Variants in FNIP2 observed in about 807,000 individuals in gnomAD.
FNIP2 encodes the protein folliculin-interacting protein 2.
FNIP2 carries 32 observed loss-of-function variants against 108.7 expected under a neutral mutation model. The observed-to-expected ratio is 0.29, with a 90% CI of 0.22 to 0.40. The LOEUF (loss-of-function observed/expected upper bound fraction) is 0.40, where lower values mean the gene tolerates loss of function less well. FNIP2 is among the 10% of genes least tolerant of loss of function. The pLI is 1.00. For synonymous variants in FNIP2, 480 were observed against 496.7 expected (o/e 0.97, Z 0.45); for missense variants, 1,202 against 1,381.6 (o/e 0.87, Z 2.06).
intron 14 of FNIP2, among the ~76,000 whole-genome samples, chr4:158,880,978 T>C (rs1454175704): frequency 6.6e-6 from 1 of 152,208 alleles, no homozygotes; most frequent in Admixed American, 6.5e-5. Context: ...CATGACTGAC[T>C]AAAGGCCTTT....
At chr4:158,826,145 C>T in intron 2 of FNIP2, 103 bp downstream of exon 2, 2 of 1,422,124 alleles carry the variant, frequency 1.4e-6, no homozygotes, top group Admixed American at 2.1e-5. Flanking sequence ...TTATATTATA[C>T]AGTGCCATTA....
chr4:158,782,073 T>A (rs6829398), intron 1 of FNIP2, among the ~76,000 whole-genome samples: 54,713 of 151,606 alleles, frequency 0.36, 10,295 homozygotes, highest in Middle Eastern at 0.45. Flanking sequence ...TCCCTCCAGC[T>A]CTTTCCCTGT....
intron 3 of FNIP2, among the ~76,000 whole-genome samples, chr4:158,831,265 G>C (rs777614911): frequency 6.6e-6 from 1 of 152,190 alleles, no homozygotes; most frequent in Admixed American, 6.5e-5. Context: ...AGTGAGAGTA[G>C]AGGAAGAGGA....
intron 1 of FNIP2, among the ~76,000 whole-genome samples, chr4:158,805,190 A>T (rs150783333): frequency 1.8e-4 from 28 of 152,328 alleles, no homozygotes; most frequent in African/African-American, 5.3e-4. Context: ...ACCAGACAAG[A>T]GTTCATCAGG....
intron 2 of FNIP2, among the ~76,000 whole-genome samples, chr4:158,828,853 G>A (rs775963557): frequency 2.0e-5 from 3 of 152,010 alleles, no homozygotes; most frequent in Non-Finnish European, 4.4e-5. Context: ...TATTAAAAGA[G>A]GATAAAGTCT....
intron 14 of FNIP2, among the ~76,000 whole-genome samples, chr4:158,883,569 G>A (rs1032908654): frequency 3.3e-5 from 5 of 152,164 alleles, no homozygotes; most frequent in African/African-American, 1.2e-4. Context: ...AGGCTTCCCA[G>A]TGGCTTATCC....
At position 158,856,613 on chromosome 4, in the gene FNIP2, G is replaced by T. The variant is rs563935863; in HGVS notation, c.858-2444G>T. On this transcript the variant is annotated intron_variant, in intron 8 of 16. Coordinates refer to ENST00000264433, the MANE Select transcript of FNIP2 (RefSeq NM_020840.3). ...TGACTAGCATGAGCACCAGCAGACA[G>T]ATTAGGCATGGGGTCAGAATCCCTG... 9.8e-5 allele frequency among the ~76,000 whole-genome samples: 15 copies of T among 152,310 alleles called. No individual in the cohort carries two copies. In the East Asian group the frequency reaches 2.9e-3, roughly 29 times the overall value.
intron 15 of FNIP2, among the ~76,000 whole-genome samples, chr4:158,894,185 T>TG (rs1338120242): frequency 6.6e-6 from 1 of 151,530 alleles, no homozygotes; most frequent in East Asian, 1.9e-4. Context: ...TTTTTTTTTT[T>TG]TTTGAGACAG....
chr4:158,811,340 A>G (rs952585673), intron 1 of FNIP2, among the ~76,000 whole-genome samples: 1 of 152,200 alleles, frequency 6.6e-6, no homozygotes, highest in Non-Finnish European at 1.5e-5. Flanking sequence ...GTCCAAAGGC[A>G]GAAAAAGGAA....
intron 7 of FNIP2, 61 bp from the exon 8 acceptor site, chr4:158,851,260 A>G (rs931848816): frequency 4.4e-6 from 7 of 1,578,064 alleles, no homozygotes; most frequent in South Asian, 1.1e-5. Flanking sequence ...AATGTTGTGC[A>G]TTATGTAGCT....
chr4:158,815,370 C>T (rs1022960200), intron 1 of FNIP2, among the ~76,000 whole-genome samples: 5 of 149,026 alleles, frequency 3.4e-5, no homozygotes, highest in African/African-American at 1.2e-4. Flanking sequence ...CTTTCTTTTT[C>T]ATCAGTAATC....
chr4:158,794,216 G>C (rs1443026249), intron 1 of FNIP2, among the ~76,000 whole-genome samples: 1 of 152,096 alleles, frequency 6.6e-6, no homozygotes, highest in African/African-American at 2.4e-5. Flanking sequence ...GCAGTGGTGT[G>C]ATCATGGCTC....
At chr4:158,870,173 C>T in intron 13 of FNIP2, 140 bp from the exon 14 acceptor site, 1 of 818,252 alleles carries the variant, frequency 1.2e-6, no homozygotes, top group East Asian at 2.6e-5. Flanking sequence ...ACCTGTGATC[C>T]ACTTACTTGA....
chr4:158,886,387 G>A (rs1195063010), intron 14 of FNIP2, among the ~76,000 whole-genome samples: 1 of 152,206 alleles, frequency 6.6e-6, no homozygotes, highest in Non-Finnish European at 1.5e-5. Context: ...CTATCCGCAA[G>A]TCCCTGTCAG....
chr4:158,901,986 TG>T (rs1173545847), intron 16 of FNIP2, among the ~76,000 whole-genome samples: 1 of 152,106 alleles, frequency 6.6e-6, no homozygotes, highest in East Asian at 1.9e-4. Flanking sequence ...AGCCTACTTC[TG>T]TCAATTCATC....
intron 14 of FNIP2, among the ~76,000 whole-genome samples, chr4:158,870,833 A>C (rs1436621669): frequency 1.3e-5 from 2 of 152,244 alleles, no homozygotes; most frequent in Non-Finnish European, 2.9e-5. Flanking sequence ...AGCCCGGCTG[A>C]AAGCCAGAGA....
intron 14 of FNIP2, chr4:158,872,380 C>T: frequency 1.0e-6 from 1 of 985,398 alleles, no homozygotes; most frequent in Non-Finnish European, 1.2e-6. Flanking sequence ...ACCATGTTTA[C>T]TCTGTCATTA....
chr4:158,813,249 T>C (rs967323816), intron 1 of FNIP2, among the ~76,000 whole-genome samples: 2 of 152,148 alleles, frequency 1.3e-5, no homozygotes, highest in African/African-American at 4.8e-5. Context: ...GGTAAGAGTA[T>C]GTTTAATTTT....
intron 1 of FNIP2, among the ~76,000 whole-genome samples, chr4:158,821,745 GA>G (rs1777892957): frequency 6.6e-6 from 1 of 152,170 alleles, no homozygotes; most frequent in South Asian, 2.1e-4. Context: ...GTCTCATTCT[GA>G]AGCACTGGTG....
Sources: gnomAD v4.1 joint callset for allele counts (sites outside exome capture counted in the v4.1 genomes callset) on GRCh38, gnomAD v4.1.1 for gene constraint, MANE v1.5 for transcripts, NCBI Gene and HGNC (gene_info 2026-07-23, HGNC 2026-07-21) for gene names.